The following ITGA5 variants were observed in gnomAD, a reference collection of about 807,000 sequenced individuals.
ITGA5 encodes the protein integrin subunit alpha 5.
In ITGA5, 55 loss-of-function variants were observed where a neutral mutation model predicts 146.3. That is an observed-to-expected ratio of 0.38 (90% confidence interval 0.30 to 0.47). ITGA5 has a LOEUF of 0.47. ITGA5 is among the 20% of genes least tolerant of loss of function. The pLI, the probability that ITGA5 is intolerant of heterozygous loss-of-function variation, is 0.99. For missense variants in ITGA5, 1,131 were observed against 1,329.0 expected (o/e 0.85, Z 2.32); for synonymous variants, 500 against 531.8 (o/e 0.94, Z 0.82).
intron 12 of ITGA5, 86 bp downstream of exon 12, chr12:54,405,080 T>G: frequency 7.5e-7 from 1 of 1,330,134 alleles, no homozygotes; most frequent in East Asian, 2.3e-5. Flanking sequence ...GGTCTGGGTA[T>G]CTTAGCTGAC....
rs771250935 is a variant in ITGA5, at chr12:54,411,954, G to A, written c.229C>T (p.Leu77=). The change falls in exon 2 of 30, where the codon CTG becomes TTG. Residue 77 remains leucine, a synonymous_variant. Transcript: ENST00000293379. ...GTATTAGCCTTGGGTGCTCCCACCA[G>A]CACACTGACCCTGTGGGGGGGAAAA... ...YRPGTDGVSV[L]VGAPKANTSQ... The A allele has an allele frequency of 1.3e-6, 2 of 1,595,356 alleles. No individual in the cohort carries two copies. Among genetic ancestry groups the A allele is most frequent in the Non-Finnish European group, 1.7e-6 (2 of 1,170,530 alleles).
At position 54,404,791 on chromosome 12, in the gene ITGA5, C is replaced by T. The variant is rs1208290246; in HGVS notation, c.1329G>A (p.Leu443=). The part of the protein sequence containing the change: ...GGLGSKPSQV[L]QPLWAASHTP... ...TGTGGCTGGCTGCCCACAGGGGCTG[C>T]AGAACCTGGGAAGGCTTAGAGCCCA... Residue 443 remains leucine (L), a synonymous_variant, in exon 13 of 30, where the codon CTG becomes CTA. Coordinates refer to ENST00000293379, the MANE Select transcript of ITGA5 (RefSeq NM_002205.5). 6.2e-7 allele frequency: 1 copy of T among 1,614,086 alleles called. No homozygotes were observed. Among genetic ancestry groups the T allele is most frequent in the Non-Finnish European group, 8.5e-7 (1 of 1,179,978 alleles).
intron 28 of ITGA5, 65 bp from the exon 29 acceptor site, chr12:54,397,552 C>T: frequency 6.3e-7 from 1 of 1,594,354 alleles, no homozygotes; most frequent in Non-Finnish European, 8.6e-7. Context: ...TACTTGGCCC[C>T]CACTTGTCAT....
At position 54,396,025 on chromosome 12, in the gene ITGA5, G is replaced by C. The variant is rs1255616265; in HGVS notation, c.*268C>G. The stretch of plus-strand genomic sequence containing the variant: ...ACTCTCCAAAATGCAAAGGCTTCAG[G>C]GAGGCTGGGGCCTCTGTCCCTGGAT... On this transcript the variant is annotated 3_prime_UTR_variant, in exon 30 of 30. Transcript: ENST00000293379. The C allele has an allele frequency of 2.5e-6, 1 of 400,368 alleles. No individual in the cohort carries two copies. The highest frequency in any genetic ancestry group is 4.6e-6 in the Non-Finnish European group (1 of 219,468). 24.8% of individuals were successfully genotyped at this position (400,368 alleles called of 1,614,324 possible). A position where few individuals can be genotyped will look rare whatever the true frequency, so the allele number is the denominator to read the frequency against.
At position 54,397,485 on chromosome 12, in the gene ITGA5, C is replaced by T. The variant is rs765031771; in HGVS notation, c.2946G>A (p.Val982=). Residue 982 remains valine (V), a splice_region_variant and synonymous_variant, in exon 29 of 30, where the codon GTG becomes GTA. Coordinates refer to ENST00000293379, the MANE Select transcript of ITGA5 (RefSeq NM_002205.5). ...CCTTGGTCCATTGCACAGCTGTGGCCACCTGGGGAGCAAGTTGGGTGAAGT... is the reference window on the plus strand; with the variant it reads ...CCTTGGTCCATTGCACAGCTGTGGCTACCTGGGGAGCAAGTTGGGTGAAGT... ...PRQLPQKERQ[V]ATAVQWTKAE... is the part of the protein sequence containing the mutation. 1.1e-5 allele frequency: 17 copies of T among 1,613,810 alleles called. No individual in the cohort carries two copies. The highest frequency in any genetic ancestry group is 1.2e-5 in the Non-Finnish European group (14 of 1,179,980).
At chr12:54,412,712 C>G (rs1955962480) in intron 1 of ITGA5, among the ~76,000 whole-genome samples, 1 of 152,212 alleles carries the variant, frequency 6.6e-6, no homozygotes, top group Admixed American at 6.5e-5. Flanking sequence ...TCTGTTCCCC[C>G]TGATATGAGG....
chr12:54,397,896 A>G (rs1955732253), intron 28 of ITGA5, among the ~76,000 whole-genome samples: 1 of 150,598 alleles, frequency 6.6e-6, no homozygotes, highest in Admixed American at 6.7e-5. Context: ...CTTTCATATC[A>G]TATCCATTTT....
chr12:54,407,985 G>A lies in ITGA5; in HGVS notation c.818-109C>T, dbSNP rs530695840. ...CCTACTGGGCCTTCATAGTCAGCAG[G>A]CACATGACAAGTATGGCAGGGGTGC... On this transcript the variant is annotated intron_variant, in intron 7 of 29. Coordinates refer to ENST00000293379, the MANE Select transcript of ITGA5 (RefSeq NM_002205.5). The A allele has an allele frequency of 8.6e-5, 130 of 1,516,508 alleles. 1 individual carries two copies. In the African/African-American group the frequency reaches 1.5e-3, roughly 18 times the overall value. The allele number at this position is 1,516,508 out of a possible 1,614,324, so 93.9% of individuals were successfully genotyped here.
chr12:54,403,566 C>T lies in ITGA5; in HGVS notation c.1776+59G>A. 1.3e-6 allele frequency: 2 copies of T among 1,559,344 alleles called. No individual in the cohort carries two copies. The highest frequency in any genetic ancestry group is 1.2e-5 in the South Asian group (1 of 85,582). On this transcript the variant is annotated intron_variant, in intron 17 of 29. Coordinates refer to ENST00000293379, the MANE Select transcript of ITGA5 (RefSeq NM_002205.5). This position sits in a 1 kb window ranked among gnomAD's most constrained non-coding sequence, Gnocchi z 4.9. ...CAGTCTTTTTCCCTTCAGGAGGTGC[C>T]CTCAGTTCTGTGTGGCCACCCTCCC...
rs199879232 is a variant in ITGA5 at position 54,409,338 on chromosome 12, C to T, written c.477G>A (p.Leu159=). Residue 159 remains leucine (L), a synonymous_variant, in exon 4 of 30, where the codon CTG becomes CTA. Coordinates refer to ENST00000293379, the MANE Select transcript of ITGA5 (RefSeq NM_002205.5). The surrounding 1 kb of genome is among the most constrained non-coding windows in gnomAD (Gnocchi z 4.7). Reference sequence around the variant, plus strand: ...GCTCCTTCTCTGTGCGCCAGCTGTACAGTGGAGCGCATGCCTGGGAGGGCC... The same window carrying T: ...GCTCCTTCTCTGTGCGCCAGCTGTATAGTGGAGCGCATGCCTGGGAGGGCC... ...HGSSILACAP[L]YSWRTEKEPL... 9.9e-6 allele frequency: 16 copies of T among 1,612,924 alleles called. No homozygotes were observed. In the Admixed American group the frequency reaches 1.5e-4, roughly 15 times the overall value.
In ITGA5 at chr12:54,403,702, G is replaced by C. The variant is rs200536043; in HGVS notation, c.1699C>G (p.Gln567Glu). The change falls in exon 17 of 30, where the codon CAG becomes GAG. Residue 567 changes from glutamine to glutamate, a missense_variant. Physicochemically the swap from Gln to Glu is conservative, Grantham distance 29. Around this residue, in one of 3 missense-constraint regions of ITGA5, gnomAD observed 889 missense variants for 1,021.5 expected, o/e 0.87. Transcript: ENST00000293379. The surrounding 1 kb of genome is among the most constrained non-coding windows in gnomAD (Gnocchi z 4.9). ...VRRALFLASR[Q>E]ATLTQTLLIQ... The stretch of plus-strand genomic sequence containing the variant: ...AGCAGGGTCTGGGTCAGGGTTGCCT[G>C]CCTGGAGGCCAGGAACAGTGCCCGC... 4.3e-6 allele frequency: 7 copies of C among 1,614,032 alleles called. No homozygotes were observed. Among genetic ancestry groups the C allele is most frequent in the Non-Finnish European group, 5.9e-6 (7 of 1,180,034 alleles).
chr12:54,405,124 G>T (rs1258514724), intron 12 of ITGA5, 42 bp downstream of exon 12: 1 of 1,507,932 alleles, frequency 6.6e-7, no homozygotes, highest in South Asian at 1.3e-5. Context: ...TCTGACTTGG[G>T]CCCCTGCCTC....
chr12:54,407,620 A>G (rs1955883128), intron 9 of ITGA5, 29 bp downstream of exon 9: 1 of 1,592,144 alleles, frequency 6.3e-7, no homozygotes, highest in Admixed American at 1.7e-5. Context: ...AGGGGAGGAG[A>G]GGAAGTGAGG....
In ITGA5 at chr12:54,405,359, C is replaced by A. The variant is rs753570224; in HGVS notation, c.1032G>T (p.Leu344=). The A allele has an allele frequency of 6.8e-6, 11 of 1,606,964 alleles. No homozygotes were observed. Among genetic ancestry groups the A allele is most frequent in the Non-Finnish European group, 9.3e-6 (11 of 1,176,728 alleles). The part of the protein sequence containing the change: ...DVNGDGLDDL[L]VGAPLLMDRT... ...GATCCATGAGCAGGGGTGCCCCCAC[C>A]AGCAAGTCATCCAGCCTGAGGGGAA... Residue 344 remains leucine (L), a synonymous_variant, in exon 12 of 30, where the codon CTG becomes CTT. Transcript: ENST00000293379.
chr12:54,401,950 G>T lies in ITGA5; in HGVS notation c.2226+51C>A. On this transcript the variant is annotated intron_variant, in intron 21 of 29. Coordinates refer to ENST00000293379, the MANE Select transcript of ITGA5 (RefSeq NM_002205.5). This position sits in a 1 kb window ranked among gnomAD's most constrained non-coding sequence, Gnocchi z 5.0. The stretch of plus-strand genomic sequence containing the variant: ...CTGTGCTCTCGGCTGGCTGGTTACC[G>T]CCCTCAGGTCTGCTCTCCCTCTGTC... The T allele has an allele frequency of 6.2e-7, 1 of 1,600,262 alleles. No homozygotes were observed. Among genetic ancestry groups the T allele is most frequent in the South Asian group, 1.1e-5 (1 of 90,782 alleles).
Position 54,405,269 on chromosome 12 carries a change from G to C in ITGA5, c.1122C>G (p.Gly374=), listed in dbSNP as rs749967355. ...RVYVYLQHPA[G]IEPTPTLTLT... is the part of the protein sequence containing the mutation. The stretch of plus-strand genomic sequence containing the variant: ...GGGTAAGGGTGGGCGTGGGCTCTAT[G>C]CCGGCTGGGTGCTGCAGGTAGACGT... Residue 374 remains glycine, a synonymous_variant, in exon 12 of 30, where the codon GGC becomes GGG. Transcript: ENST00000293379. 2.5e-6 allele frequency: 4 copies of C among 1,613,868 alleles called. No homozygotes were observed. The highest frequency in any genetic ancestry group is 2.5e-6 in the Non-Finnish European group (3 of 1,179,956).
rs900477823 is a variant in ITGA5 at position 54,403,104 on chromosome 12, A to G, written c.1915-54T>C. 1 of 1,609,552 alleles carries G rather than the reference A, an allele frequency of 6.2e-7. No individual in the cohort carries two copies. The highest frequency in any genetic ancestry group is 1.7e-5 in the Admixed American group (1 of 59,348). ...AAGTTTAGACCCATTCCTGGGCTGT[A>G]GGCTCTTCTCTTTCCATGGCCCTGC... On this transcript the variant is annotated intron_variant, in intron 18 of 29. Coordinates refer to ENST00000293379, the MANE Select transcript of ITGA5 (RefSeq NM_002205.5). This position sits in a 1 kb window ranked among gnomAD's most constrained non-coding sequence, Gnocchi z 4.9.
At position 54,401,892 on chromosome 12, in the gene ITGA5, C is replaced by T. The variant is rs1047973850; in HGVS notation, c.2227-37G>A. 1 of 1,606,888 alleles carries T rather than the reference C, an allele frequency of 6.2e-7. No homozygotes were observed. Among genetic ancestry groups the T allele is most frequent in the African/African-American group, 1.3e-5 (1 of 74,718 alleles). On this transcript the variant is annotated intron_variant, in intron 21 of 29. Coordinates refer to ENST00000293379, the MANE Select transcript of ITGA5 (RefSeq NM_002205.5). The surrounding 1 kb of genome is among the most constrained non-coding windows in gnomAD (Gnocchi z 5.0). ...AAAAGAGGAAAAGAGGGCAGTTAGA[C>T]TGTGTATTTCACCCTCCCTCCGCAC... is the stretch of plus-strand genomic sequence containing the variant.
chr12:54,416,979 A>T lies in ITGA5; in HGVS notation c.218+2002T>A, dbSNP rs1479704336. 6.6e-6 allele frequency among the ~76,000 whole-genome samples: 1 copy of T among 152,138 alleles called. No homozygotes were observed. Among genetic ancestry groups the T allele is most frequent in the Admixed American group, 6.5e-5 (1 of 15,276 alleles). On this transcript the variant is annotated intron_variant, in intron 1 of 29. Coordinates refer to ENST00000293379, the MANE Select transcript of ITGA5 (RefSeq NM_002205.5). The surrounding 1 kb of genome is among the most constrained non-coding windows in gnomAD (Gnocchi z 4.1). Reference sequence around the variant, plus strand: ...CTGTGTTTGTCTTGTGTTGTGGGAAAGGGGGTGAAGGCCTAGCTGTGGTGG... The same window carrying T: ...CTGTGTTTGTCTTGTGTTGTGGGAATGGGGGTGAAGGCCTAGCTGTGGTGG...
Sources: allele counts gnomAD v4.1 joint callset (sites outside exome capture counted in the v4.1 genomes callset), GRCh38; gene constraint gnomAD v4.1.1; regional missense constraint gnomAD v4.1.1; non-coding constraint Gnocchi (gnomAD v3.1); transcripts MANE v1.5; gene names NCBI Gene and HGNC (gene_info 2026-07-23, HGNC 2026-07-21).